Variants in XPO4 observed in about 807,000 individuals in gnomAD.
The protein encoded by XPO4 is exportin-4.
A neutral mutation model predicts 143.0 loss-of-function variants in XPO4; 39 were observed. The ratio of observed to expected loss-of-function variants is 0.27; its 90% CI spans 0.21 to 0.36. The LOEUF (loss-of-function observed/expected upper bound fraction) is 0.36, where lower values mean the gene tolerates loss of function less well. Ranked by LOEUF, XPO4 falls within the 10% of genes least tolerant of loss-of-function variation. The pLI is 1.00. For missense variants in XPO4, 907 were observed against 1,348.0 expected (o/e 0.67, Z 5.12); for synonymous variants, 439 against 474.0 (o/e 0.93, Z 0.96).
chr13:20,881,463 G>A (rs1169431464), intron 1 of XPO4, among the ~76,000 whole-genome samples: 1 of 151,846 alleles, frequency 6.6e-6, no homozygotes. Flanking sequence ...GTAGAGACGG[G>A]GTTTCACTGT....
chr13:20,829,853 G>A (rs926870372), intron 6 of XPO4, among the ~76,000 whole-genome samples: 10 of 151,952 alleles, frequency 6.6e-5, no homozygotes, highest in Non-Finnish European at 1.0e-4. Context: ...AATACAGGAA[G>A]AAATCTTACA....
intron 13 of XPO4, among the ~76,000 whole-genome samples, chr13:20,804,454 C>A (rs2059477953): frequency 6.6e-6 from 1 of 152,066 alleles, no homozygotes; most frequent in African/African-American, 2.4e-5. Context: ...CCCTCAGGGA[C>A]CCCTTTCCTA....
intron 13 of XPO4, among the ~76,000 whole-genome samples, chr13:20,802,177 T>C (rs1258932451): frequency 3.9e-5 from 6 of 151,986 alleles, no homozygotes; most frequent in Middle Eastern, 3.2e-3. Flanking sequence ...CCTGCCTGAG[T>C]TTCCCAAGTA....
chr13:20,882,362 A>G (rs71426101), intron 1 of XPO4, among the ~76,000 whole-genome samples: 8,778 of 152,010 alleles, frequency 0.058, 646 homozygotes, highest in African/African-American at 0.17. Flanking sequence ...CAATCACGGC[A>G]GAGGGCAAAG....
chr13:20,807,963 G>A (rs1402875882), intron 12 of XPO4, among the ~76,000 whole-genome samples: 1 of 152,016 alleles, frequency 6.6e-6, no homozygotes, highest in Non-Finnish European at 1.5e-5. Context: ...CAATATTAGG[G>A]AATTCATTTT....
At chr13:20,817,346 A>G (rs1356371756) in intron 9 of XPO4, among the ~76,000 whole-genome samples, 1 of 152,166 alleles carries the variant, frequency 6.6e-6, no homozygotes, top group Non-Finnish European at 1.5e-5. Flanking sequence ...CTCTAAATAC[A>G]CTCACTCACT....
At chr13:20,855,862 C>A in intron 3 of XPO4, 97 bp from the exon 4 acceptor site, 1 of 1,296,032 alleles carries the variant, frequency 7.7e-7, no homozygotes, top group Non-Finnish European at 1.0e-6. Flanking sequence ...AATAACATTG[C>A]TTACATGTGA....
At chr13:20,856,980 C>T in intron 3 of XPO4, 1 of 669,910 alleles carries the variant, frequency 1.5e-6, no homozygotes, top group African/African-American at 2.0e-5. Context: ...GCAAAGCACA[C>T]TACCTGCTGC....
intron 1 of XPO4, among the ~76,000 whole-genome samples, chr13:20,890,817 A>AG (rs1463970035): frequency 1.3e-5 from 2 of 151,040 alleles, no homozygotes; most frequent in South Asian, 4.2e-4. Flanking sequence ...AAAAAAAAAA[A>AG]AAGGAGCAGG....
chr13:20,789,476 GCTCCGC>G (rs2067371799), intron 19 of XPO4, among the ~76,000 whole-genome samples: 1 of 149,002 alleles, frequency 6.7e-6, no homozygotes, highest in South Asian at 2.1e-4. Context: ...CTCACTGCAA[GCTCCGC>G]CTCCCGGGTT....
chr13:20,873,135 G>A (rs978841614), intron 1 of XPO4, among the ~76,000 whole-genome samples: 1 of 148,328 alleles, frequency 6.7e-6, no homozygotes, highest in Non-Finnish European at 1.5e-5. Flanking sequence ...GGAAAAAACT[G>A]AGATTTGTTT....
rs968406135 is a variant in XPO4, at chr13:20,796,113, G to A, written c.2760C>T (p.Asn920=). 3 of 1,613,478 alleles carry A rather than the reference G, an allele frequency of 1.9e-6. No individual in the cohort carries two copies. The highest frequency in any genetic ancestry group is 2.7e-5 in the African/African-American group (2 of 74,886). The change falls in exon 18 of 23, where the codon AAC becomes AAT. Residue 920 remains asparagine (N), a synonymous_variant. Coordinates refer to ENST00000255305, the MANE Select transcript of XPO4 (RefSeq NM_022459.5). ...DLLLIMELLT[N]LLSKEFIDFS... Reference sequence around the variant, plus strand: ...AATCTATGAATTCTTTTGACAGCAGGTTAGTAAGAAGTTCCATAATGAGAA... The same window carrying A: ...AATCTATGAATTCTTTTGACAGCAGATTAGTAAGAAGTTCCATAATGAGAA...
intron 4 of XPO4, chr13:20,851,711 CAAAA>C (rs11340357): frequency 0.021 from 16,412 of 768,302 alleles, 8 homozygotes; most frequent in Non-Finnish European, 0.023. Flanking sequence ...CCCGGTCTCA[CAAAA>C]AAAAAAAAAA....
At position 20,809,804 on chromosome 13, in the gene XPO4, C is replaced by T; in HGVS notation, c.1337G>A (p.Gly446Asp). Residue 446 changes from glycine (G) to aspartate (D), a missense_variant, in exon 10 of 23, where the codon GGC (glycine) becomes GAC (aspartate). Coordinates refer to ENST00000255305, the MANE Select transcript of XPO4 (RefSeq NM_022459.5). ...YIQCHLAAPD[G>D]TRNLTANGVA... ...CTTAAAACTCACCAAATTTCTTGTG[C>T]CATCTGGAGCAGCTAGGTGGCACTG... 1 of 1,605,046 alleles carries T rather than the reference C, an allele frequency of 6.2e-7. No individual in the cohort carries two copies. The highest frequency in any genetic ancestry group is 8.5e-7 in the Non-Finnish European group (1 of 1,176,538).
At chr13:20,812,373 A>T (rs1315651981) in intron 9 of XPO4, among the ~76,000 whole-genome samples, 2 of 152,174 alleles carry the variant, frequency 1.3e-5, no homozygotes, top group African/African-American at 4.8e-5. Context: ...CTATTCAATA[A>T]ATGTTGCAGA....
chr13:20,876,525 A>G (rs2060355213), intron 1 of XPO4, among the ~76,000 whole-genome samples: 1 of 152,212 alleles, frequency 6.6e-6, no homozygotes, highest in Non-Finnish European at 1.5e-5. Flanking sequence ...CATATTGTAC[A>G]TAATAATAAA....
At chr13:20,846,334 G>A (rs1295998280) in intron 4 of XPO4, among the ~76,000 whole-genome samples, 2 of 152,166 alleles carry the variant, frequency 1.3e-5, no homozygotes, top group African/African-American at 4.8e-5. Flanking sequence ...TTACGGTCAA[G>A]ATGAGAAACA....
chr13:20,876,639 C>T (rs1049684745), intron 1 of XPO4, among the ~76,000 whole-genome samples: 2 of 151,966 alleles, frequency 1.3e-5, no homozygotes, highest in South Asian at 2.1e-4. Context: ...TAATAAAAAG[C>T]AAAAATTCTT....
At chr13:20,786,305 G>GTA (rs1448300225) in intron 22 of XPO4, among the ~76,000 whole-genome samples, 1 of 68,970 alleles carries the variant, frequency 1.4e-5, no homozygotes, top group Non-Finnish European at 3.4e-5. Context: ...ATACGTGTGT[G>GTA]TGTATATATA....
Sources: allele counts gnomAD v4.1 joint callset (sites outside exome capture counted in the v4.1 genomes callset), GRCh38; gene constraint gnomAD v4.1.1; transcripts MANE v1.5; gene names NCBI Gene and HGNC (gene_info 2026-07-23, HGNC 2026-07-21).